The following PLGRKT variants were observed in gnomAD, a reference collection of about 807,000 sequenced individuals.
PLGRKT encodes the protein plasminogen receptor (KT).
Under a neutral mutation model 18.5 loss-of-function variants are expected in PLGRKT, and 22 were observed. The observed-to-expected ratio is 1.19, with a 90% confidence interval of 0.85 to 1.70. The LOEUF is 1.70. Ranked by LOEUF, PLGRKT falls within the 40% of genes most tolerant of loss-of-function variation. The pLI is 0.00. For synonymous variants in PLGRKT, 72 were observed against 52.8 expected, an observed-to-expected ratio of 1.36 and a Z score of -1.58; for missense variants, 235 against 174.4, an observed-to-expected ratio of 1.35 and a Z score of -1.96.
intron 3 of PLGRKT, among the ~76,000 whole-genome samples, chr9:5,383,117 T>C (rs886643110): frequency 6.6e-6 from 1 of 151,976 alleles, no homozygotes; most frequent in African/African-American, 2.4e-5. Context: ...AGAGGCCAGG[T>C]GGAGAAGGCT....
chr9:5,436,726 A>C (rs1049615695), intron 1 of PLGRKT, 32 bp from the exon 2 acceptor site: 2 of 152,110 alleles, frequency 1.3e-5, no homozygotes, highest in Non-Finnish European at 2.9e-5. Flanking sequence ...ACACCTTGTA[A>C]ATTTCACCCT....
In PLGRKT at chr9:5,386,493, C is replaced by T. The variant is rs561453720; in HGVS notation, c.82-24605G>A. 2.5e-4 allele frequency among the ~76,000 whole-genome samples: 38 copies of T among 151,792 alleles called. 1 individual carries two copies. Among genetic ancestry groups the T allele is most frequent in the Middle Eastern group, 6.8e-3 (2 of 294 alleles). On this transcript the variant is annotated intron_variant, in intron 3 of 5. Coordinates refer to ENST00000223864, the MANE Select transcript of PLGRKT (RefSeq NM_018465.4). ...AACATCATATGATATGCAGTGGACCCCCACACACACACAACAAAACAATTT... is the reference window on the plus strand; with the variant it reads ...AACATCATATGATATGCAGTGGACCTCCACACACACACAACAAAACAATTT...
chr9:5,382,858 G>C (rs1817772763), intron 3 of PLGRKT, among the ~76,000 whole-genome samples: 1 of 152,192 alleles, frequency 6.6e-6, no homozygotes, highest in Non-Finnish European at 1.5e-5. Flanking sequence ...CATAGAATCA[G>C]TAAGAACTGT....
At chr9:5,420,724 A>T (rs897486301) in intron 3 of PLGRKT, among the ~76,000 whole-genome samples, 1 of 152,038 alleles carries the variant, frequency 6.6e-6, no homozygotes, top group Admixed American at 6.5e-5. Context: ...CTTCTCCTCC[A>T]CCTACTCTAC....
rs1326417798 is a variant in PLGRKT at position 5,400,023 on chromosome 9, G to GA, written c.81+31873_81+31874insT. 1.9e-4 allele frequency among the ~76,000 whole-genome samples: 29 copies of GA among 151,604 alleles called. 2 individuals are homozygous for GA. The highest frequency in any genetic ancestry group is 7.1e-4 in the African/African-American group (29 of 41,050). Reference sequence around the variant, plus strand: ...TAAATGAAATAAATAAATAAATAAAGTGTTATTCTAATCAGCTCTTAAGGT... The same window carrying GA: ...TAAATGAAATAAATAAATAAATAAAGATGTTATTCTAATCAGCTCTTAAGGT... On this transcript the variant is annotated intron_variant, in intron 3 of 5. Transcript: ENST00000223864.
At chr9:5,388,870 A>G (rs1362122538) in intron 3 of PLGRKT, among the ~76,000 whole-genome samples, 2 of 152,080 alleles carry the variant, frequency 1.3e-5, no homozygotes, top group Non-Finnish European at 2.9e-5. Flanking sequence ...AAGAACCTAC[A>G]ACAGCATCTG....
intron 3 of PLGRKT, among the ~76,000 whole-genome samples, chr9:5,389,197 A>G (rs1001348615): frequency 6.6e-6 from 1 of 151,956 alleles, no homozygotes. Flanking sequence ...AAGCAGGAAG[A>G]AAAAAGCAGG....
At position 5,358,181 on chromosome 9, in the gene PLGRKT, A is replaced by G; in HGVS notation, c.*58T>C. The G allele has an allele frequency of 7.3e-7, 1 of 1,364,302 alleles. No individual in the cohort carries two copies. The highest frequency in any genetic ancestry group is 2.3e-5 in the East Asian group (1 of 42,664). 84.5% of individuals were successfully genotyped at this position (1,364,302 alleles called of 1,614,324 possible). ...AATCTTGAGCATTTAAAAAACTGTA[A>G]AAACCATGATTCAAGTCAATAATTC... On this transcript the variant is annotated 3_prime_UTR_variant, in exon 6 of 6. Coordinates refer to ENST00000223864, the MANE Select transcript of PLGRKT (RefSeq NM_018465.4).
intron 3 of PLGRKT, among the ~76,000 whole-genome samples, chr9:5,382,184 C>G (rs1363404636): frequency 6.6e-6 from 1 of 152,228 alleles, no homozygotes; most frequent in African/African-American, 2.4e-5. Context: ...AGAGTTCAGG[C>G]AGTCTCCGGA....
At chr9:5,404,186 T>C (rs1033806020) in intron 3 of PLGRKT, among the ~76,000 whole-genome samples, 2 of 152,074 alleles carry the variant, frequency 1.3e-5, no homozygotes, top group Non-Finnish European at 2.9e-5. Flanking sequence ...AGCTGAATTC[T>C]ACCAGAAGTA....
intron 3 of PLGRKT, among the ~76,000 whole-genome samples, chr9:5,424,714 G>A (rs1818662125): frequency 7.8e-6 from 1 of 128,308 alleles, no homozygotes; most frequent in Non-Finnish European, 1.5e-5. Context: ...GGGAGAGAGG[G>A]AGAGACAGAG....
intron 2 of PLGRKT, among the ~76,000 whole-genome samples, chr9:5,434,316 G>A (rs1181497983): frequency 1.4e-5 from 2 of 144,786 alleles, no homozygotes; most frequent in East Asian, 2.1e-4. Flanking sequence ...TGGGAAGTGG[G>A]CGCCTCTGCC....
intron 3 of PLGRKT, among the ~76,000 whole-genome samples, chr9:5,373,927 G>C (rs1025314183): frequency 6.6e-6 from 1 of 152,210 alleles, no homozygotes; most frequent in Non-Finnish European, 1.5e-5. Flanking sequence ...AGAACAGCCA[G>C]GCATTGGAGC....
chr9:5,361,762 C>T lies in PLGRKT; in HGVS notation c.208G>A (p.Ala70Thr). Residue 70 changes from alanine (A) to threonine (T), a missense_variant, in exon 4 of 6, where the codon GCT becomes ACT. Ala to Thr is a moderately conservative substitution (Grantham distance 58). Coordinates refer to ENST00000223864, the MANE Select transcript of PLGRKT (RefSeq NM_018465.4). ...FFGLAAISLT[A>T]GAIKKKKPAF... ...AATGTTAAATAGCAAACATACCCAG[C>T]TGTTAAAGAGATGGCTGCAAGGCCA... 3 of 1,606,552 alleles carry T rather than the reference C, an allele frequency of 1.9e-6. No individual in the cohort carries two copies. Among genetic ancestry groups the T allele is most frequent in the Non-Finnish European group, 1.7e-6 (2 of 1,178,106 alleles).
chr9:5,422,653 T>A (rs1257946621), intron 3 of PLGRKT, among the ~76,000 whole-genome samples: 1 of 152,218 alleles, frequency 6.6e-6, no homozygotes, highest in Non-Finnish European at 1.5e-5. Context: ...TTAGGTTGCA[T>A]ATGATAGGAA....
intron 3 of PLGRKT, among the ~76,000 whole-genome samples, chr9:5,411,502 T>C (rs1818365931): frequency 6.6e-6 from 1 of 151,968 alleles, no homozygotes; most frequent in Admixed American, 6.6e-5. Context: ...GAAGCCAGAC[T>C]CAGAGAGCCT....
intron 3 of PLGRKT, among the ~76,000 whole-genome samples, chr9:5,371,071 A>G (rs1196132787): frequency 1.3e-5 from 2 of 152,262 alleles, no homozygotes; most frequent in African/African-American, 4.8e-5. Context: ...AGATTACAAC[A>G]TAATTACATC....
chr9:5,374,228 G>T (rs1481125975), intron 3 of PLGRKT, among the ~76,000 whole-genome samples: 1 of 152,118 alleles, frequency 6.6e-6, no homozygotes, highest in Non-Finnish European at 1.5e-5. Context: ...CCTATCTGCA[G>T]CCCCTACTCC....
chr9:5,372,637 T>A (rs1376851437), intron 3 of PLGRKT, among the ~76,000 whole-genome samples: 1 of 152,162 alleles, frequency 6.6e-6, no homozygotes, highest in Non-Finnish European at 1.5e-5. Flanking sequence ...AATATTGAAA[T>A]GTCACCTCTG....
Sources: allele counts gnomAD v4.1 joint callset (sites outside exome capture counted in the v4.1 genomes callset), GRCh38; gene constraint gnomAD v4.1.1; transcripts MANE v1.5; gene names NCBI Gene and HGNC (gene_info 2026-07-23, HGNC 2026-07-21).